The following TRHDE variants were observed in gnomAD, a reference collection of about 807,000 sequenced individuals.
TRHDE encodes the protein thyrotropin-releasing hormone-degrading ectoenzyme.
TRHDE carries 72 observed loss-of-function variants against 125.7 expected under a neutral mutation model. The observed-to-expected ratio is 0.57, with a 90% CI of 0.47 to 0.70. The LOEUF (loss-of-function observed/expected upper bound fraction) is 0.70. Among genes scored for constraint, TRHDE ranks in the 30% least tolerant of loss-of-function variants. The pLI is 0.00. For synonymous variants in TRHDE, 509 were observed against 509.1 expected (o/e 1.00, Z 0.00); for missense variants, 1,110 against 1,327.1 (o/e 0.84, Z 2.54).
At chr12:72,657,029 T>C (rs371184493) in intron 18 of TRHDE, 21 bp downstream of exon 18, 1 of 1,416,572 alleles carries the variant, frequency 7.1e-7, no homozygotes, top group African/African-American at 1.4e-5. Context: ...TAAGATGAAG[T>C]CTAATTATTT....
chr12:72,481,544 C>G (rs1333667037), intron 5 of TRHDE, among the ~76,000 whole-genome samples: 1 of 149,610 alleles, frequency 6.7e-6, no homozygotes, highest in African/African-American at 2.4e-5. Flanking sequence ...TGGAGAATGT[C>G]AAATTTCTCT....
intron 3 of TRHDE, among the ~76,000 whole-genome samples, chr12:72,433,081 A>G (rs1874569106): frequency 6.6e-6 from 1 of 152,092 alleles, no homozygotes; most frequent in Admixed American, 6.5e-5. Context: ...TTTGCCCTTT[A>G]TTTATATAGT....
At position 72,293,831 on chromosome 12, in the gene TRHDE, G is replaced by A. The variant is rs59709732; in HGVS notation, c.1188+6877G>A. Among the ~76,000 whole-genome samples, 1,506 of 152,226 alleles carry A rather than the reference G, an allele frequency of 9.9e-3. 25 individuals carry two copies. The highest frequency in any genetic ancestry group is 0.034 in the African/African-American group (1,401 of 41,510). On this transcript the variant is annotated intron_variant, in intron 2 of 18. Transcript: ENST00000261180. Reference sequence around the variant, plus strand: ...TTCGCCCACTTTGCCTGGCAGCTGCGCTTGGCTCACACTACTGGCCTAGGT... The same window carrying A: ...TTCGCCCACTTTGCCTGGCAGCTGCACTTGGCTCACACTACTGGCCTAGGT...
At chr12:72,235,953 C>G (rs1341772210) in intron 2 of TRHDE, among the ~76,000 whole-genome samples, 2 of 152,112 alleles carry the variant, frequency 1.3e-5, no homozygotes, top group African/African-American at 4.8e-5. Context: ...GATTATGAGT[C>G]TTTTGAGAAA....
chr12:72,496,461 T>G (rs1565765783), intron 5 of TRHDE, among the ~76,000 whole-genome samples: 2 of 152,142 alleles, frequency 1.3e-5, no homozygotes, highest in Non-Finnish European at 2.9e-5. Context: ...GAATTTCCAT[T>G]TATAAAACCG....
At chr12:72,519,923 G>C (rs911156415) in intron 6 of TRHDE, among the ~76,000 whole-genome samples, 29 of 151,806 alleles carry the variant, frequency 1.9e-4, no homozygotes, top group African/African-American at 6.8e-4. Context: ...TCAGTCTGCT[G>C]CTAGGGGGTG....
intron 2 of TRHDE, among the ~76,000 whole-genome samples, chr12:72,377,419 G>A (rs907828910): frequency 6.6e-6 from 1 of 151,916 alleles, no homozygotes; most frequent in African/African-American, 2.4e-5. Context: ...TTGAAGCCAG[G>A]AGCAGTTGCA....
chr12:72,257,896 G>A (rs1384783831), intron 2 of TRHDE: 1 of 152,086 alleles, frequency 6.6e-6, no homozygotes, highest in Non-Finnish European at 1.5e-5. Flanking sequence ...TTAGATTATA[G>A]GAGCAAGAAA....
chr12:72,635,988 TC>T (rs1386047775), intron 15 of TRHDE, among the ~76,000 whole-genome samples: 1 of 151,154 alleles, frequency 6.6e-6, no homozygotes, highest in African/African-American at 2.4e-5. Flanking sequence ...CGATGTGGGC[TC>T]TTTTTTGGTT....
intron 2 of TRHDE, among the ~76,000 whole-genome samples, chr12:72,288,081 CTT>C (rs1442196706): frequency 6.6e-6 from 1 of 151,990 alleles, no homozygotes; most frequent in East Asian, 1.9e-4. Flanking sequence ...AAATTTTGGG[CTT>C]TTCCCCCTGT....
chr12:72,344,227 C>T (rs1210745264), intron 2 of TRHDE, among the ~76,000 whole-genome samples: 2 of 152,082 alleles, frequency 1.3e-5, no homozygotes, highest in African/African-American at 4.8e-5. Flanking sequence ...TCAGTTTCCA[C>T]ATTTCTGAAA....
intron 12 of TRHDE, among the ~76,000 whole-genome samples, chr12:72,584,315 A>T (rs766591097): frequency 6.6e-6 from 1 of 152,172 alleles, no homozygotes; most frequent in Non-Finnish European, 1.5e-5. Context: ...TATCATATAC[A>T]ACATGAAGTT....
At chr12:72,650,020 A>G (rs201930735) in intron 15 of TRHDE, among the ~76,000 whole-genome samples, 1 of 152,142 alleles carries the variant, frequency 6.6e-6, no homozygotes, top group African/African-American at 2.4e-5. Flanking sequence ...CCAGCATCCC[A>G]TTTGTAGATA....
At chr12:72,309,387 G>C (rs545686154) in intron 2 of TRHDE, among the ~76,000 whole-genome samples, 1 of 152,268 alleles carries the variant, frequency 6.6e-6, no homozygotes, top group East Asian at 1.9e-4. Flanking sequence ...AGAAAAAGCA[G>C]TGGAAAGGGA....
intron 12 of TRHDE, among the ~76,000 whole-genome samples, chr12:72,579,820 CA>C (rs904651030): frequency 2.0e-5 from 3 of 152,088 alleles, no homozygotes; most frequent in Non-Finnish European, 4.4e-5. Flanking sequence ...CCAATTATTT[CA>C]ATCCTACTTA....
In TRHDE at chr12:72,255,195, A is replaced by T. The variant is rs369599425; in HGVS notation, n.280-122800A>T. ...GCTTTTGCCATCTTAATAAATTGCG[A>T]AGTGGTTTCACCAATAACCAATCCC... On this transcript the variant is annotated intron_variant and non_coding_transcript_variant, in intron 2 of 4. Transcript: ENST00000548156. 5.9e-5 allele frequency: 9 copies of T among 152,320 alleles called. No individual in the cohort carries two copies. The East Asian group carries it at 7.7e-4, about 13-fold the overall frequency. 9.4% of individuals were successfully genotyped at this position (152,320 alleles called of 1,614,324 possible). A position where few individuals can be genotyped will look rare whatever the true frequency, so the allele number is the denominator to read the frequency against.
rs1186926708 is a variant in TRHDE at position 72,664,363 on chromosome 12, C to T, written c.*1168C>T. On this transcript the variant is annotated 3_prime_UTR_variant, in exon 19 of 19. Transcript: ENST00000261180. Reference sequence around the variant, plus strand: ...TGTTTTGCTCTAATCCTCCATTAAGCGAGCATACCTCAAGTGGGTCTATTA... The same window carrying T: ...TGTTTTGCTCTAATCCTCCATTAAGTGAGCATACCTCAAGTGGGTCTATTA... 2.0e-5 allele frequency: 3 copies of T among 152,510 alleles called. No homozygotes were observed. The highest frequency in any genetic ancestry group is 4.8e-5 in the African/African-American group (2 of 41,432). The allele number at this position is 152,510 out of a possible 1,614,324, so 9.4% of individuals were successfully genotyped here. A position where few individuals can be genotyped will look rare whatever the true frequency, so the allele number is the denominator to read the frequency against.
intron 7 of TRHDE, 73 bp from the exon 8 acceptor site, chr12:72,562,088 TATTA>T (rs529855424): frequency 6.1e-5 from 38 of 627,572 alleles, no homozygotes; most frequent in Middle Eastern, 8.5e-4. Flanking sequence ...AAATGAAAAT[TATTA>T]ATTGAGAAAT....
intron 3 of TRHDE, among the ~76,000 whole-genome samples, chr12:72,430,848 TG>T (rs1874447712): frequency 6.6e-6 from 1 of 152,198 alleles, no homozygotes; most frequent in African/African-American, 2.4e-5. Flanking sequence ...TGGAGAGTAT[TG>T]TAATTGTAAT....
Sources: gnomAD v4.1 joint callset for allele counts (sites outside exome capture counted in the v4.1 genomes callset) on GRCh38, gnomAD v4.1.1 for gene constraint, MANE v1.5 for transcripts, NCBI Gene and HGNC (gene_info 2026-07-23, HGNC 2026-07-21) for gene names.